ERC1: variants seen among roughly 807,000 people sequenced by gnomAD.
ERC1 encodes the protein RAB6 interacting protein 2.
In ERC1, 56 loss-of-function variants were observed where a neutral mutation model predicts 132.0. The observed-to-expected ratio is 0.42, with a 90% CI of 0.34 to 0.53. The LOEUF (loss-of-function observed/expected upper bound fraction) is 0.53. Ranked by LOEUF, ERC1 falls within the 20% of genes least tolerant of loss-of-function variation. The pLI is 0.03. For synonymous variants in ERC1, 478 were observed against 476.1 expected, an observed-to-expected ratio of 1.00 and a Z score of -0.05; for missense variants, 1,202 against 1,349.9, an observed-to-expected ratio of 0.89 and a Z score of 1.72.
At position 1,234,883 on chromosome 12, in the gene ERC1, C is replaced by T. The variant is rs543748129; in HGVS notation, c.2352-1886C>T. On this transcript the variant is annotated intron_variant, in intron 12 of 18. Coordinates refer to ENST00000360905, the MANE Select transcript of ERC1 (RefSeq NM_178040.4). ...AATATTATTATGTTATACCAAACCC[C>T]CCAAAATGGAAGTATGTTTTTACCT... Among the ~76,000 whole-genome samples the T allele has an allele frequency of 3.3e-5, 5 of 152,146 alleles. No individual in the cohort carries two copies. In the East Asian group the frequency reaches 7.7e-4, roughly 23 times the overall value.
At chr12:1,379,509 G>A (rs955489625) in intron 16 of ERC1, among the ~76,000 whole-genome samples, 15 of 152,236 alleles carry the variant, frequency 9.9e-5, no homozygotes, top group Middle Eastern at 6.8e-3. Context: ...AAGCCACACC[G>A]GCGTTTGAAG....
In ERC1 at chr12:1,102,792, C is replaced by T. The variant is rs563083652; in HGVS notation, c.1087-1958C>T. Among the ~76,000 whole-genome samples the T allele has an allele frequency of 2.4e-3, 372 of 152,046 alleles. 2 individuals carry two copies. The highest frequency in any genetic ancestry group is 8.7e-3 in the African/African-American group (363 of 41,496). On this transcript the variant is annotated intron_variant, in intron 3 of 18. Coordinates refer to ENST00000360905, the MANE Select transcript of ERC1 (RefSeq NM_178040.4). Reference sequence around the variant, plus strand: ...GTGCTATACACAGGAAAAAGTAGAGCGAAGTAAAGGGGAAGGACACATGCG... The same window carrying T: ...GTGCTATACACAGGAAAAAGTAGAGTGAAGTAAAGGGGAAGGACACATGCG...
intron 13 of ERC1, among the ~76,000 whole-genome samples, chr12:1,240,274 G>A (rs1358988696): frequency 6.6e-6 from 1 of 152,196 alleles, no homozygotes; most frequent in Non-Finnish European, 1.5e-5. Context: ...GGTAGTAGGG[G>A]AAACATTGGC....
chr12:1,236,663 T>C, intron 12 of ERC1, 106 bp from the exon 13 acceptor site: 1 of 1,143,448 alleles, frequency 8.7e-7, no homozygotes, highest in East Asian at 2.6e-5. Context: ...TATTTATTCG[T>C]TGGTTTTCAG....
At chr12:1,416,477 A>G (rs2092124018) in intron 17 of ERC1, among the ~76,000 whole-genome samples, 1 of 152,218 alleles carries the variant, frequency 6.6e-6, no homozygotes, top group Non-Finnish European at 1.5e-5. Flanking sequence ...CATTGGTTCC[A>G]TGGCTATCCC....
At chr12:1,405,813 A>G (rs73026483) in intron 16 of ERC1, among the ~76,000 whole-genome samples, 7,756 of 152,274 alleles carry the variant, frequency 0.051, 280 homozygotes, top group African/African-American at 0.089. Flanking sequence ...CTCTCTGAGA[A>G]GCCAAGACGG....
chr12:1,375,720 A>G (rs942387366), intron 16 of ERC1, among the ~76,000 whole-genome samples: 1 of 146,018 alleles, frequency 6.8e-6, no homozygotes, highest in African/African-American at 2.6e-5. Flanking sequence ...CTCAGTAAGC[A>G]TGGCTCTTGT....
At chr12:1,385,532 G>A (rs1036806122) in intron 16 of ERC1, among the ~76,000 whole-genome samples, 10 of 152,238 alleles carry the variant, frequency 6.6e-5, no homozygotes, top group East Asian at 1.9e-4. Context: ...GATAACGCCC[G>A]CCTCAGCCTC....
rs756602681 is a variant in ERC1, at chr12:1,408,222, C to G, written c.2999C>G (p.Thr1000Arg). 1.2e-6 allele frequency: 2 copies of G among 1,613,714 alleles called. No homozygotes were observed. The highest frequency in any genetic ancestry group is 2.7e-5 in the African/African-American group (2 of 74,890). ...TTCAAATCCTCCCATTCCAATCAAA[C>G]AAATCACAAGCCCTCCCCAGACCAG... is the stretch of plus-strand genomic sequence containing the variant. ...DHFKSSHSNQ[T>R]NHKPSPDQII... The change falls in exon 17 of 19, where the codon ACA becomes AGA. Residue 1000 changes from threonine (T) to arginine (R), a missense_variant. Physicochemically the swap from Thr to Arg is moderately conservative, Grantham distance 71. Coordinates refer to ENST00000360905, the MANE Select transcript of ERC1 (RefSeq NM_178040.4).
At position 1,169,248 on chromosome 12, in the gene ERC1, T is replaced by C. The variant is rs1490421591; in HGVS notation, c.1738-11292T>C. ...TCTCCTGATTGTTGAAGGACTTATT[T>C]CCCCAGATCGCTGGAAGTGTTATCA... On this transcript the variant is annotated intron_variant, in intron 8 of 18. Coordinates refer to ENST00000360905, the MANE Select transcript of ERC1 (RefSeq NM_178040.4). Among the ~76,000 whole-genome samples, 5 of 152,130 alleles carry C rather than the reference T, an allele frequency of 3.3e-5. No homozygotes were observed. The East Asian group carries it at 9.6e-4, about 29-fold the overall frequency.
chr12:1,312,570 G>C (rs2081384504), intron 15 of ERC1, among the ~76,000 whole-genome samples: 1 of 152,100 alleles, frequency 6.6e-6, no homozygotes, highest in African/African-American at 2.4e-5. Context: ...TGTGGGTCAG[G>C]CTCGTCTCAA....
intron 17 of ERC1, chr12:1,443,606 G>T (rs2093223567): frequency 6.6e-6 from 1 of 152,372 alleles, no homozygotes; most frequent in Non-Finnish European, 1.5e-5. Context: ...GCTCACAGCT[G>T]CTGTGTGTCA....
chr12:1,388,158 G>A (rs968720460), intron 16 of ERC1, among the ~76,000 whole-genome samples: 7 of 151,980 alleles, frequency 4.6e-5, no homozygotes, highest in Non-Finnish European at 4.4e-5. Context: ...TCAGAAGATC[G>A]AGACCACGGT....
chr12:1,157,224 C>G (rs935576751), intron 8 of ERC1, among the ~76,000 whole-genome samples: 1 of 152,176 alleles, frequency 6.6e-6, no homozygotes, highest in Non-Finnish European at 1.5e-5. Context: ...CCACCTCAGA[C>G]TCTCGAGTAG....
chr12:1,276,229 CTTTTTCTTTTTCT>C (rs1260967464), intron 14 of ERC1, among the ~76,000 whole-genome samples: 35 of 89,498 alleles, frequency 3.9e-4, no homozygotes, highest in Non-Finnish European at 7.8e-4. Context: ...TTTTGTTTTT[CTTTTTCTTTTTCT>C]TTTTTTTTTT....
intron 12 of ERC1, among the ~76,000 whole-genome samples, chr12:1,233,846 G>GT (rs550376337): frequency 1.3e-5 from 2 of 152,174 alleles, no homozygotes; most frequent in South Asian, 4.1e-4. Flanking sequence ...ATGTATGGGC[G>GT]TTTTTTGTAT....
chr12:1,188,160 C>G (rs992520062), intron 11 of ERC1, among the ~76,000 whole-genome samples: 2 of 152,178 alleles, frequency 1.3e-5, no homozygotes, highest in Admixed American at 1.3e-4. Context: ...TTTTGTGCCC[C>G]TACATCAAGC....
chr12:1,181,632 C>T (rs1346421203), intron 9 of ERC1, among the ~76,000 whole-genome samples: 1 of 151,864 alleles, frequency 6.6e-6, no homozygotes, highest in African/African-American at 2.4e-5. Flanking sequence ...AACCCTGTCT[C>T]TACTAAAAAT....
chr12:1,101,913 G>A (rs1391611308), intron 3 of ERC1, among the ~76,000 whole-genome samples: 1 of 152,150 alleles, frequency 6.6e-6, no homozygotes, highest in African/African-American at 2.4e-5. Flanking sequence ...TGGTGATGTT[G>A]CATCTACCCA....
Sources: gnomAD v4.1 joint callset for allele counts (sites outside exome capture counted in the v4.1 genomes callset) on GRCh38, gnomAD v4.1.1 for gene constraint, MANE v1.5 for transcripts, NCBI Gene and HGNC (gene_info 2026-07-23, HGNC 2026-07-21) for gene names.